The following PTPN4 variants were observed in gnomAD, a reference collection of about 807,000 sequenced individuals.
PTPN4 encodes the protein tyrosine-protein phosphatase non-receptor type 4.
Under a neutral mutation model 135.5 loss-of-function variants are expected in PTPN4, and 49 were observed. That is an observed-to-expected ratio of 0.36 (90% CI 0.29 to 0.46). The LOEUF is 0.46. PTPN4 is among the 20% of genes least tolerant of loss of function. PTPN4 has a pLI of 1.00. For synonymous variants in PTPN4, 333 were observed against 369.9 expected, an observed-to-expected ratio of 0.90 and a Z score of 1.14; for missense variants, 860 against 1,101.0, an observed-to-expected ratio of 0.78 and a Z score of 3.10.
chr2:119,940,484 G>T (rs1022363613), intron 15 of PTPN4, among the ~76,000 whole-genome samples: 3 of 152,118 alleles, frequency 2.0e-5, no homozygotes, highest in Admixed American at 6.6e-5. Context: ...AAGAGACAGG[G>T]TCTCTTTGTC....
At chr2:119,763,354 A>C (rs1339559461) in intron 1 of PTPN4, among the ~76,000 whole-genome samples, 1 of 152,154 alleles carries the variant, frequency 6.6e-6, no homozygotes, top group Non-Finnish European at 1.5e-5. Context: ...TTTAACAAGG[A>C]GGTTATATAG....
chr2:119,952,603 T>C (rs1679226123), intron 19 of PTPN4, among the ~76,000 whole-genome samples: 1 of 152,204 alleles, frequency 6.6e-6, no homozygotes, highest in East Asian at 1.9e-4. Flanking sequence ...ATGAGTAAAT[T>C]TGAACTCTGT....
At chr2:119,880,117 T>G (rs1255992159) in intron 5 of PTPN4, 1 of 152,058 alleles carries the variant, frequency 6.6e-6, no homozygotes, top group Non-Finnish European at 1.5e-5. Context: ...TAGAACTGAA[T>G]TTTTCCAATT....
intron 8 of PTPN4, among the ~76,000 whole-genome samples, chr2:119,884,177 C>T (rs372109684): frequency 1.3e-5 from 2 of 152,244 alleles, no homozygotes; most frequent in Admixed American, 6.5e-5. Context: ...GGATTACAGG[C>T]GTGAGCCACC....
chr2:119,957,572 G>T (rs1364383003), intron 22 of PTPN4, among the ~76,000 whole-genome samples: 1 of 150,302 alleles, frequency 6.7e-6, no homozygotes, highest in Non-Finnish European at 1.5e-5. Flanking sequence ...TGCCAAAAAG[G>T]TTGGGGACCA....
chr2:119,793,763 C>T (rs1387883759), intron 1 of PTPN4, among the ~76,000 whole-genome samples: 1 of 151,290 alleles, frequency 6.6e-6, no homozygotes, highest in Non-Finnish European at 1.5e-5. Context: ...TCCCTGACTT[C>T]CTGCAACAAA....
At chr2:119,843,387 T>C (rs1222568913) in intron 2 of PTPN4, among the ~76,000 whole-genome samples, 3 of 144,110 alleles carry the variant, frequency 2.1e-5, no homozygotes, top group African/African-American at 7.8e-5. Flanking sequence ...CCATGTCTAC[T>C]TCTTTCTACA....
At chr2:119,795,597 G>C (rs531132966) in intron 1 of PTPN4, among the ~76,000 whole-genome samples, 4 of 152,380 alleles carry the variant, frequency 2.6e-5, no homozygotes, top group South Asian at 4.1e-4. Context: ...GTTGACAACA[G>C]GGAGAGGCCA....
intron 2 of PTPN4, among the ~76,000 whole-genome samples, chr2:119,828,794 T>C (rs746973922): frequency 2.0e-4 from 30 of 152,220 alleles, no homozygotes; most frequent in Admixed American, 1.8e-3. Flanking sequence ...TTTCACTTGC[T>C]TTTCCCAACA....
intron 20 of PTPN4, among the ~76,000 whole-genome samples, chr2:119,955,943 A>ATAAT (rs1441117980): frequency 3.2e-5 from 4 of 123,380 alleles, no homozygotes; most frequent in South Asian, 2.7e-4. Flanking sequence ...TCTCAAAAAA[A>ATAAT]TAATAAATAA....
At chr2:119,849,670 G>A (rs1192465585) in intron 2 of PTPN4, among the ~76,000 whole-genome samples, 1 of 152,124 alleles carries the variant, frequency 6.6e-6, no homozygotes, top group African/African-American at 2.4e-5. Context: ...TCCAAGGCTT[G>A]TCGTTATTGT....
chr2:119,929,572 G>A (rs1678871355), intron 13 of PTPN4, among the ~76,000 whole-genome samples: 1 of 152,014 alleles, frequency 6.6e-6, no homozygotes, highest in East Asian at 1.9e-4. Flanking sequence ...GAAAAACAAT[G>A]TTCTCATACA....
At chr2:119,947,119 TTAAC>T (rs1185472157) in intron 18 of PTPN4, among the ~76,000 whole-genome samples, 1 of 152,226 alleles carries the variant, frequency 6.6e-6, no homozygotes, top group Non-Finnish European at 1.5e-5. Context: ...AGGACAATTC[TTAAC>T]TAATTGTAGG....
intron 1 of PTPN4, among the ~76,000 whole-genome samples, chr2:119,765,933 T>TGTGC (rs1553430617): frequency 0.26 from 39,466 of 150,882 alleles, 5,235 homozygotes; most frequent in South Asian, 0.34. Flanking sequence ...TGTGTGTGTG[T>TGTGC]GCGCGCGCGC....
intron 2 of PTPN4, among the ~76,000 whole-genome samples, chr2:119,836,476 G>A (rs376805187): frequency 1.2e-4 from 18 of 152,332 alleles, no homozygotes; most frequent in African/African-American, 4.3e-4. Context: ...TGTCTGGAGC[G>A]GCCGCTGCAA....
intron 26 of PTPN4, among the ~76,000 whole-genome samples, chr2:119,968,402 A>G (rs1475120178): frequency 6.6e-6 from 1 of 152,232 alleles, no homozygotes; most frequent in Non-Finnish European, 1.5e-5. Context: ...CTGAATGCTG[A>G]GAATGATAGT....
chr2:119,802,519 T>G (rs1691395848), intron 1 of PTPN4, among the ~76,000 whole-genome samples: 1 of 152,248 alleles, frequency 6.6e-6, no homozygotes, highest in African/African-American at 2.4e-5. Flanking sequence ...TTATATTGAT[T>G]GATTGTTAAA....
intron 2 of PTPN4, among the ~76,000 whole-genome samples, chr2:119,823,076 T>C (rs1391281354): frequency 1.3e-5 from 2 of 152,214 alleles, no homozygotes; most frequent in African/African-American, 4.8e-5. Flanking sequence ...TCTTTTACTG[T>C]AACTGCTTCC....
At chr2:119,877,882 G>T (rs1678009216) in intron 5 of PTPN4, among the ~76,000 whole-genome samples, 1 of 133,274 alleles carries the variant, frequency 7.5e-6, no homozygotes. Flanking sequence ...GCTGTGTGGT[G>T]AGAAATTTGG....
Sources: gnomAD v4.1 joint callset for allele counts (sites outside exome capture counted in the v4.1 genomes callset) on GRCh38, gnomAD v4.1.1 for gene constraint, MANE v1.5 for transcripts, NCBI Gene and HGNC (gene_info 2026-07-23, HGNC 2026-07-21) for gene names.